MRTFB: variants seen among roughly 807,000 people sequenced by gnomAD.
MRTFB encodes the protein myocardin-related transcription factor B.
MRTFB carries 29 observed loss-of-function variants against 104.2 expected under a neutral mutation model. The observed-to-expected ratio is 0.28, with a 90% CI of 0.21 to 0.38. The LOEUF (loss-of-function observed/expected upper bound fraction) is 0.38, where lower values mean the gene tolerates loss of function less well. MRTFB is among the 10% of genes least tolerant of loss of function. MRTFB has a pLI of 1.00. For missense variants in MRTFB, 1,270 were observed against 1,341.6 expected (o/e 0.95, Z 0.83); for synonymous variants, 535 against 519.5 (o/e 1.03, Z -0.41).
chr16:14,264,721 G>C lies in MRTFB; in HGVS notation c.*3277G>C, dbSNP rs763467570. The C allele has an allele frequency of 1.5e-4, 23 of 152,226 alleles. 2 individuals are homozygous for C. The highest frequency in any genetic ancestry group is 1.1e-3 in the Admixed American group (17 of 15,284). 9.4% of individuals were successfully genotyped at this position (152,226 alleles called of 1,614,324 possible). On this transcript the variant is annotated 3_prime_UTR_variant, in exon 17 of 17. Transcript: ENST00000571589. ...GAAACAGTGGCAAAGGCAGGGTGGT[G>C]CTGCCTGCAAGCTGCTGCCTATGGA...
At chr16:14,227,475 A>G (rs2042060019) in intron 8 of MRTFB, among the ~76,000 whole-genome samples, 1 of 152,112 alleles carries the variant, frequency 6.6e-6, no homozygotes, top group African/African-American at 2.4e-5. Flanking sequence ...TCGTGAGCCA[A>G]ATAAACCTCT....
chr16:14,069,470 C>T (rs1273748985), upstream of MRTFB, among the ~76,000 whole-genome samples: 1 of 152,170 alleles, frequency 6.6e-6, no homozygotes, highest in Non-Finnish European at 1.5e-5. Flanking sequence ...TCATACATCC[C>T]CTCTTATGAA....
At chr16:14,009,671 T>A in the MRTFB span, 4 of 152,218 alleles carry the variant, frequency 2.6e-5, no homozygotes, top group African/African-American at 7.2e-5. Context: ...CTTTATCTGG[T>A]TGAGGAAGTT....
rs140494967 is a variant in MRTFB at position 14,261,347 on chromosome 16, A to G, written c.3203A>G (p.Asn1068Ser). Reference sequence around the variant, plus strand: ...GAGTGGTTGGACATTACCATGCCCAACTCCTCTTCAGGACTCACTCCTCTC... The same window carrying G: ...GAGTGGTTGGACATTACCATGCCCAGCTCCTCTTCAGGACTCACTCCTCTC... The part of the protein sequence containing the change: ...NMEWLDITMP[N>S]SSSGLTPLST... Residue 1068 changes from asparagine to serine, a missense_variant, in exon 17 of 17, where the codon AAC becomes AGC. Asn to Ser is a conservative substitution (Grantham distance 46). Coordinates refer to ENST00000571589, the MANE Select transcript of MRTFB (RefSeq NM_001308142.2). 1.2e-5 allele frequency: 20 copies of G among 1,612,698 alleles called. No individual in the cohort carries two copies. The highest frequency in any genetic ancestry group is 2.2e-5 in the South Asian group (2 of 90,994).
At chr16:14,186,236 A>C (rs2039948777) in intron 3 of MRTFB, among the ~76,000 whole-genome samples, 1 of 152,242 alleles carries the variant, frequency 6.6e-6, no homozygotes, top group Admixed American at 6.5e-5. Flanking sequence ...AGCACACCAC[A>C]AAAGAACTTT....
the MRTFB span, among the ~76,000 whole-genome samples, chr16:14,057,279 G>T: frequency 9.9e-5 from 15 of 152,046 alleles, no homozygotes; most frequent in Non-Finnish European, 2.1e-4. Context: ...AAAAAAAATT[G>T]TGTGTGTGCC....
intron 2 of MRTFB, among the ~76,000 whole-genome samples, chr16:14,121,415 T>A (rs1035363242): frequency 6.6e-6 from 1 of 152,186 alleles, no homozygotes; most frequent in Non-Finnish European, 1.5e-5. Context: ...TTTTTCTGTT[T>A]TAAAGAACAA....
At chr16:14,019,566 T>C in the MRTFB span, 1 of 152,168 alleles carries the variant, frequency 6.6e-6, no homozygotes, top group African/African-American at 2.4e-5. Flanking sequence ...ACAGATTAAC[T>C]TCTGGCTCTG....
At position 14,240,598 on chromosome 16, in the gene MRTFB, C is replaced by A. The variant is rs749266901; in HGVS notation, c.1079+114C>A. 5.2e-6 allele frequency: 8 copies of A among 1,539,616 alleles called. No individual in the cohort carries two copies. In the Admixed American group the frequency reaches 1.2e-4, roughly 22 times the overall value. On this transcript the variant is annotated intron_variant, in intron 10 of 16. Transcript: ENST00000571589. ...TTTATTTGTGCTCAGTAATGATTTT[C>A]ATTTCTTTGTTATCAGAGCTTATCA...
At chr16:14,237,934 G>A (rs748015883) in intron 9 of MRTFB, among the ~76,000 whole-genome samples, 18 of 152,166 alleles carry the variant, frequency 1.2e-4, no homozygotes, top group South Asian at 2.1e-4. Context: ...GGATGGCCAC[G>A]TAGCACTGAT....
intron 2 of MRTFB, among the ~76,000 whole-genome samples, chr16:14,080,172 G>A (rs904193108): frequency 1.7e-4 from 26 of 152,112 alleles, no homozygotes; most frequent in South Asian, 2.1e-4. Context: ...CTTCTTAGAT[G>A]TGTAACTGCT....
At chr16:14,016,449 A>G in the MRTFB span, among the ~76,000 whole-genome samples, 4 of 151,942 alleles carry the variant, frequency 2.6e-5, no homozygotes, top group African/African-American at 9.7e-5. Context: ...GATGATGGAT[A>G]TTTGTGGTCC....
intron 2 of MRTFB, among the ~76,000 whole-genome samples, chr16:14,138,360 C>A (rs960424790): frequency 6.6e-6 from 1 of 152,220 alleles, no homozygotes. Context: ...AAGTTTTTAT[C>A]TGGTATCACT....
At chr16:14,088,153 C>T (rs1313638137) in intron 2 of MRTFB, among the ~76,000 whole-genome samples, 1 of 152,160 alleles carries the variant, frequency 6.6e-6, no homozygotes, top group Non-Finnish European at 1.5e-5. Context: ...GTGACTGTTA[C>T]TTATACTGTG....
intron 2 of MRTFB, among the ~76,000 whole-genome samples, chr16:14,101,691 T>C (rs2035710153): frequency 6.6e-6 from 1 of 152,148 alleles, no homozygotes; most frequent in Non-Finnish European, 1.5e-5. Flanking sequence ...GGAGGAAAAC[T>C]TGGGGGTAGA....
At chr16:14,229,028 A>G (rs1472116366) in intron 8 of MRTFB, among the ~76,000 whole-genome samples, 1 of 152,222 alleles carries the variant, frequency 6.6e-6, no homozygotes, top group Non-Finnish European at 1.5e-5. Context: ...AATGTAATTA[A>G]TGCCATATAC....
intron 3 of MRTFB, among the ~76,000 whole-genome samples, chr16:14,183,905 T>C (rs923051884): frequency 6.6e-6 from 1 of 151,972 alleles, no homozygotes; most frequent in Non-Finnish European, 1.5e-5. Context: ...TCTTAAGAGA[T>C]AGCTTTTTAA....
chr16:14,056,185 G>A, the MRTFB span, among the ~76,000 whole-genome samples: 3 of 151,954 alleles, frequency 2.0e-5, no homozygotes, highest in Non-Finnish European at 2.9e-5. Context: ...CGTCATGTTC[G>A]CCAGGCTGGT....
At chr16:14,144,948 CAAAA>C (rs373155376) in intron 3 of MRTFB, among the ~76,000 whole-genome samples, 3 of 87,068 alleles carry the variant, frequency 3.4e-5, no homozygotes, top group African/African-American at 1.0e-4. Flanking sequence ...GACTCTGTCT[CAAAA>C]AAAAAAAAAA....
Sources: allele counts gnomAD v4.1 joint callset (sites outside exome capture counted in the v4.1 genomes callset), GRCh38; gene constraint gnomAD v4.1.1; transcripts MANE v1.5; gene names NCBI Gene and HGNC (gene_info 2026-07-23, HGNC 2026-07-21).